The following NPHP4 variants were observed in gnomAD, a reference collection of about 807,000 sequenced individuals.
NPHP4 encodes the protein nephrocystin-4.
Under a neutral mutation model 155.8 loss-of-function variants are expected in NPHP4, and 151 were observed. The ratio of observed to expected loss-of-function variants is 0.97; its 90% CI spans 0.85 to 1.11. NPHP4 has a LOEUF of 1.11. Among genes scored for constraint, NPHP4 ranks in the 50% least tolerant of loss-of-function variants. The pLI, the probability that NPHP4 is intolerant of heterozygous loss-of-function variation, is 0.00. For missense variants in NPHP4, 1,956 were observed against 1,925.7 expected, an observed-to-expected ratio of 1.02 and a Z score of -0.29; for synonymous variants, 845 against 816.8, an observed-to-expected ratio of 1.03 and a Z score of -0.59.
intron 2 of NPHP4, among the ~76,000 whole-genome samples, chr1:5,978,843 G>A (rs1331848271): frequency 6.6e-6 from 1 of 152,134 alleles, no homozygotes; most frequent in Non-Finnish European, 1.5e-5. Flanking sequence ...TCAACAAATC[G>A]CCTCTCACGT....
chr1:5,874,892 ATC>A lies in NPHP4; in HGVS notation c.3024_3025del (p.Glu1008AspfsTer94), dbSNP rs775346545. On this transcript the variant is annotated frameshift_variant, in exon 21 of 30. Transcript: ENST00000378156. LOFTEE classifies it high-confidence loss of function. ...ACCTCACCTGAGCTCGGGGTTGTCGATCTCCACAGTCACCGTGTGCTGTGTGT... is the reference window on the plus strand; with the variant it reads ...ACCTCACCTGAGCTCGGGGTTGTCGATCCACAGTCACCGTGTGCTGTGTGT... The A allele has an allele frequency of 1.1e-5, 18 of 1,613,620 alleles. No homozygotes were observed. Among genetic ancestry groups the A allele is most frequent in the Non-Finnish European group, 1.4e-5 (17 of 1,179,782 alleles).
Position 5,864,448 on chromosome 1 carries a change from G to A in NPHP4, c.3886C>T (p.Leu1296Phe), listed in dbSNP as rs2100388131. ...TGGACAAAGCGGCTGCCGGCCCTAA[G>A]GGGCCTCACGCCAACATGCAGGTCC... ...VQDLHVGVRPLRAGSRFVHLN... is the reference protein window; with the variant it reads ...VQDLHVGVRPFRAGSRFVHLN... The change falls in exon 28 of 30, where the codon CTT (leucine) becomes TTT (phenylalanine). Residue 1296 changes from leucine (L) to phenylalanine (F), a missense_variant. Leu to Phe is a conservative substitution (Grantham distance 22). Transcript: ENST00000378156. 1 of 1,606,392 alleles carries A rather than the reference G, an allele frequency of 6.2e-7. No homozygotes were observed. Among genetic ancestry groups the A allele is most frequent in the Non-Finnish European group, 8.5e-7 (1 of 1,176,936 alleles).
At chr1:5,900,086 A>G (rs952068016) in intron 16 of NPHP4, among the ~76,000 whole-genome samples, 1 of 152,244 alleles carries the variant, frequency 6.6e-6, no homozygotes, top group Non-Finnish European at 1.5e-5. Flanking sequence ...GATATGGAGC[A>G]ACCAGAATCC....
intron 6 of NPHP4, 61 bp from the exon 7 acceptor site, chr1:5,952,897 C>G: frequency 6.7e-7 from 1 of 1,492,396 alleles, no homozygotes; most frequent in Non-Finnish European, 9.0e-7. Context: ...CTGGCAGCCA[C>G]CGAGGGTCCC....
At chr1:5,977,687 C>A (rs1033652292) in intron 3 of NPHP4, among the ~76,000 whole-genome samples, 3 of 150,030 alleles carry the variant, frequency 2.0e-5, no homozygotes, top group African/African-American at 4.9e-5. Context: ...CGCAGGGTGG[C>A]CAGCCGCAAG....
At chr1:5,864,104 T>C in intron 28 of NPHP4, 71 bp from the exon 29 acceptor site, 1 of 1,542,212 alleles carries the variant, frequency 6.5e-7, no homozygotes. Flanking sequence ...CCTCCAAGTA[T>C]TCCCTGAGTC....
In NPHP4 at chr1:5,882,458, T is replaced by A. The variant is rs1315223599; in HGVS notation, c.2486-2219A>T. On this transcript the variant is annotated intron_variant, in intron 18 of 29. Coordinates refer to ENST00000378156, the MANE Select transcript of NPHP4 (RefSeq NM_015102.5). This position sits in a 1 kb window ranked among gnomAD's most constrained non-coding sequence, Gnocchi z 5.1. ...CCCAGTAGCTGACACCCCCCGCCTC[T>A]TGTTCTTTCTCCTTGACCTCGACGT... 1 of 153,174 alleles carries A rather than the reference T, an allele frequency of 6.5e-6. No homozygotes were observed. The highest frequency in any genetic ancestry group is 1.5e-5 in the Non-Finnish European group (1 of 68,580). The allele number at this position is 153,174 out of a possible 1,614,324, so 9.5% of individuals were successfully genotyped here.
chr1:5,964,624 C>G (rs977853044), intron 5 of NPHP4, among the ~76,000 whole-genome samples: 1 of 152,070 alleles, frequency 6.6e-6, no homozygotes, highest in Non-Finnish European at 1.5e-5. Flanking sequence ...CTCCCACTGT[C>G]CAGGGAGAAG....
At chr1:5,951,139 G>A (rs551975168) in intron 7 of NPHP4, among the ~76,000 whole-genome samples, 6 of 152,350 alleles carry the variant, frequency 3.9e-5, no homozygotes, top group African/African-American at 9.6e-5. Context: ...ACAAAGGCCC[G>A]AGGGAATGGG....
chr1:5,904,867 T>C (rs959103685), intron 15 of NPHP4, 63 bp from the exon 16 acceptor site: 135 of 1,522,596 alleles, frequency 8.9e-5, no homozygotes, highest in Non-Finnish European at 1.2e-4. Flanking sequence ...AGGGGTCTAA[T>C]GTGTGTTTGC....
chr1:5,953,229 C>T (rs572155394), intron 6 of NPHP4, among the ~76,000 whole-genome samples: 34 of 152,298 alleles, frequency 2.2e-4, no homozygotes, highest in African/African-American at 7.9e-4. Context: ...CCTCAGCCTC[C>T]CAAGTAGCTG....
At chr1:5,913,274 G>C (rs149663945) in intron 11 of NPHP4, among the ~76,000 whole-genome samples, 1 of 152,212 alleles carries the variant, frequency 6.6e-6, no homozygotes, top group East Asian at 1.9e-4. Context: ...AGCCAGATCT[G>C]AGAAGAGCAG....
At position 5,944,495 on chromosome 1, in the gene NPHP4, A is replaced by C. The variant is rs1213513313; in HGVS notation, c.1119+2609T>G. Among the ~76,000 whole-genome samples the C allele has an allele frequency of 6.6e-6, 1 of 152,152 alleles. No individual in the cohort carries two copies. Among genetic ancestry groups the C allele is most frequent in the Non-Finnish European group, 1.5e-5 (1 of 68,014 alleles). On this transcript the variant is annotated intron_variant, in intron 9 of 29. Coordinates refer to ENST00000378156, the MANE Select transcript of NPHP4 (RefSeq NM_015102.5). This position sits in a 1 kb window ranked among gnomAD's most constrained non-coding sequence, Gnocchi z 4.3. The stretch of plus-strand genomic sequence containing the variant: ...CTCCTCTCACGTCCCGCTCAATTCC[A>C]GTTTCACCCGGTGGATGCTTAACCC...
In NPHP4 at chr1:5,866,363, G is replaced by A; in HGVS notation, c.3644+10C>T. ...CACCGCCTCCAGGTCCCCAAAGCCT[G>A]TGCACTTACGAGTAAATGATGACAA... On this transcript the variant is annotated intron_variant, in intron 26 of 29. Transcript: ENST00000378156. The A allele has an allele frequency of 6.3e-7, 1 of 1,579,478 alleles. No homozygotes were observed. The highest frequency in any genetic ancestry group is 8.7e-7 in the Non-Finnish European group (1 of 1,153,000).
At chr1:5,873,608 A>T (rs941823676) in intron 22 of NPHP4, 2 of 536,814 alleles carry the variant, frequency 3.7e-6, no homozygotes, top group Admixed American at 7.0e-5. Context: ...GCCCATCCCA[A>T]GAGCCAGCAT....
At position 5,909,440 on chromosome 1, in the gene NPHP4, C is replaced by A. The variant is rs539569080; in HGVS notation, c.1442-227G>T. On this transcript the variant is annotated intron_variant, in intron 11 of 29. Transcript: ENST00000378156. ...GCACCAGCAGCCAGGAGAGGGGGTA[C>A]AGCTGGCCTCGTCCTCACTGTTCTT... 4.5e-4 allele frequency among the ~76,000 whole-genome samples: 68 copies of A among 152,310 alleles called. 3 individuals carry two copies. The South Asian group carries it at 0.014, about 31-fold the overall frequency.
In NPHP4 at chr1:5,896,976, C is replaced by T. The variant is rs908024135; in HGVS notation, c.2144-5948G>A. ...ACGCTCCAAAGACAAAGCAAAACAG[C>T]CGGACACCTAACACTGGGATCCCAC... On this transcript the variant is annotated intron_variant, in intron 16 of 29. Transcript: ENST00000378156. Among the ~76,000 whole-genome samples, 6 of 152,302 alleles carry T rather than the reference C, an allele frequency of 3.9e-5. No homozygotes were observed. In the East Asian group the frequency reaches 1.2e-3, roughly 29 times the overall value.
intron 16 of NPHP4, among the ~76,000 whole-genome samples, chr1:5,900,924 T>A (rs113173465): frequency 0.088 from 13,334 of 151,910 alleles, 571 homozygotes; most frequent in Middle Eastern, 0.13. Flanking sequence ...TGGTCCCAGC[T>A]ATGTGGGGGC....
At chr1:5,951,303 T>C (rs1334415189) in intron 7 of NPHP4, among the ~76,000 whole-genome samples, 3 of 152,266 alleles carry the variant, frequency 2.0e-5, no homozygotes, top group East Asian at 1.9e-4. Flanking sequence ...ACGAAAAGGG[T>C]GTGACGTGAA....
Sources: allele counts gnomAD v4.1 joint callset (sites outside exome capture counted in the v4.1 genomes callset), GRCh38; gene constraint gnomAD v4.1.1; non-coding constraint Gnocchi (gnomAD v3.1); transcripts MANE v1.5; gene names NCBI Gene and HGNC (gene_info 2026-07-23, HGNC 2026-07-21).